KMT2C: variants seen among roughly 807,000 people sequenced by gnomAD.
The protein encoded by KMT2C is histone-lysine N-methyltransferase 2C.
Under a neutral mutation model 507.9 loss-of-function variants are expected in KMT2C, and 88 were observed. The observed-to-expected ratio is 0.17, with a 90% CI of 0.15 to 0.21. The LOEUF is 0.21. Ranked by LOEUF, KMT2C falls within the 10% of genes least tolerant of loss-of-function variation. KMT2C has a pLI of 1.00. For synonymous variants in KMT2C, 2,049 were observed against 2,080.8 expected, an observed-to-expected ratio of 0.98 and a Z score of 0.42; for missense variants, 4,954 against 5,957.8, an observed-to-expected ratio of 0.83 and a Z score of 5.55.
rs1480668897 is a variant in KMT2C at position 152,435,874 on chromosome 7, G to C, written c.-88C>G. ...GCCGCCGCCGCCGCCGCTGCTGCTCGGGTTCCTCCTCCCCGGCTCAGCCTC... is the reference window on the plus strand; with the variant it reads ...GCCGCCGCCGCCGCCGCTGCTGCTCCGGTTCCTCCTCCCCGGCTCAGCCTC... On this transcript the variant is annotated 5_prime_UTR_variant, in exon 1 of 59. Coordinates refer to ENST00000262189, the MANE Select transcript of KMT2C (RefSeq NM_170606.3). 6 of 1,349,350 alleles carry C rather than the reference G, an allele frequency of 4.4e-6. No homozygotes were observed. The East Asian group carries it at 1.5e-4, about 34-fold the overall frequency. The allele number at this position is 1,349,350 out of a possible 1,614,324, so 83.6% of individuals were successfully genotyped here. A position where few individuals can be genotyped will look rare whatever the true frequency, so the allele number is the denominator to read the frequency against.
intron 7 of KMT2C, among the ~76,000 whole-genome samples, chr7:152,272,385 C>G (rs1291391501): frequency 6.6e-6 from 1 of 152,114 alleles, no homozygotes; most frequent in Non-Finnish European, 1.5e-5. Context: ...TTGCTGAGGT[C>G]TAAAGCATGA....
At chr7:152,286,932 CAT>C (rs1188506148) in intron 6 of KMT2C, among the ~76,000 whole-genome samples, 2 of 152,104 alleles carry the variant, frequency 1.3e-5, no homozygotes, top group Non-Finnish European at 2.9e-5. Context: ...ACAAAAAACT[CAT>C]AGACAACAAC....
At chr7:152,270,863 T>C (rs546282728) in intron 7 of KMT2C, among the ~76,000 whole-genome samples, 1 of 152,222 alleles carries the variant, frequency 6.6e-6, no homozygotes, top group African/African-American at 2.4e-5. Context: ...AATCTTGGCC[T>C]TCTTCACAGA....
rs984463733 is a variant in KMT2C, at chr7:152,367,703, A to T, written c.162-9028T>A. ...CAATAGCTGACACCCCAGGATTTGGAGATGTAGTGGATAATAGTAATTGCT... is the reference window on the plus strand; with the variant it reads ...CAATAGCTGACACCCCAGGATTTGGTGATGTAGTGGATAATAGTAATTGCT... On this transcript the variant is annotated intron_variant, in intron 1 of 58. Transcript: ENST00000262189. The T allele has an allele frequency of 3.3e-5, 43 of 1,314,924 alleles. No homozygotes were observed. In the Admixed American group the frequency reaches 5.9e-4, roughly 18 times the overall value. 81.5% of individuals were successfully genotyped at this position (1,314,924 alleles called of 1,614,324 possible).
At position 152,176,932 on chromosome 7, in the gene KMT2C, T is replaced by C; in HGVS notation, c.8521A>G (p.Lys2841Glu). ...ACATTATCTTTATTCTCATCATTTTTTTCAGTTTCACATTTGGATTCCACC... is the reference window on the plus strand; with the variant it reads ...ACATTATCTTTATTCTCATCATTTTCTTCAGTTTCACATTTGGATTCCACC... ...SKVESKCETE[K>E]NDENKDNVDT... is the part of the protein sequence containing the mutation. Residue 2841 changes from lysine (K) to glutamate (E), a missense_variant, in exon 38 of 59, where the codon AAA becomes GAA. By Grantham distance (56) the Lys-to-Glu change is moderately conservative. Around this residue, in one of 29 missense-constraint regions of KMT2C, gnomAD observed 1,689 missense variants for 1,654.3 expected, o/e 1.02. Transcript: ENST00000262189. 1 of 1,614,224 alleles carries C rather than the reference T, an allele frequency of 6.2e-7. No individual in the cohort carries two copies. Among genetic ancestry groups the C allele is most frequent in the Non-Finnish European group, 8.5e-7 (1 of 1,180,038 alleles).
At chr7:152,255,157 A>ATGTGTGTG (rs112731121) in intron 9 of KMT2C, among the ~76,000 whole-genome samples, 5 of 128,382 alleles carry the variant, frequency 3.9e-5, no homozygotes, top group South Asian at 2.5e-4. Flanking sequence ...ATATATATAT[A>ATGTGTGTG]TGTGTGTGTG....
intron 2 of KMT2C, among the ~76,000 whole-genome samples, chr7:152,336,087 G>C (rs375000996): frequency 3.3e-5 from 5 of 152,030 alleles, no homozygotes; most frequent in African/African-American, 2.4e-5. Context: ...AGTAGGGAGC[G>C]ATAGTTTTGG....
chr7:152,259,456 A>ACGCG (rs1296619121), intron 9 of KMT2C, among the ~76,000 whole-genome samples: 8 of 141,024 alleles, frequency 5.7e-5, no homozygotes, highest in African/African-American at 2.2e-4. Context: ...GCACACACAC[A>ACGCG]CACACACACA....
chr7:152,177,487 C>T lies in KMT2C; in HGVS notation c.7966G>A (p.Glu2656Lys), dbSNP rs553423994. The change falls in exon 38 of 59, where the codon GAA (glutamate) becomes AAA (lysine). Residue 2656 changes from glutamate to lysine, a missense_variant. Glu to Lys is a moderately conservative substitution (Grantham distance 56). Coordinates refer to ENST00000262189, the MANE Select transcript of KMT2C (RefSeq NM_170606.3). Reference protein sequence around the residue: ...MRTLNHPLGGEFSEAPLSTSV... With the variant: ...MRTLNHPLGGKFSEAPLSTSV... ...GTTGACAAAGGAGCTTCTGAAAATT[C>T]ACCACCTAGTGGATGGTTCAGAGTC... is the stretch of plus-strand genomic sequence containing the variant. 6 of 1,614,182 alleles carry T rather than the reference C, an allele frequency of 3.7e-6. No individual in the cohort carries two copies. In the South Asian group the frequency reaches 6.6e-5, roughly 18 times the overall value.
chr7:152,308,347 G>T (rs1377468341), intron 6 of KMT2C, among the ~76,000 whole-genome samples: 1 of 151,958 alleles, frequency 6.6e-6, no homozygotes, highest in East Asian at 1.9e-4. Context: ...TATTCCATTG[G>T]AAGGGCTGTC....
In KMT2C at chr7:152,307,888, T is replaced by C. The variant is rs141847809; in HGVS notation, c.849+2078A>G. ...GAGTTTATATTGATTCCTCTGGTTCTAATCCACCACCAAAAAGCTCATTTA... is the reference window on the plus strand; with the variant it reads ...GAGTTTATATTGATTCCTCTGGTTCCAATCCACCACCAAAAAGCTCATTTA... On this transcript the variant is annotated intron_variant, in intron 6 of 58. Transcript: ENST00000262189. Among the ~76,000 whole-genome samples the C allele has an allele frequency of 4.8e-4, 73 of 152,332 alleles. 1 individual carries two copies. Among genetic ancestry groups the C allele is most frequent in the Admixed American group, 1.9e-3 (29 of 15,286 alleles).
chr7:152,336,971 A>G (rs1005865329), intron 2 of KMT2C, among the ~76,000 whole-genome samples: 1 of 144,764 alleles, frequency 6.9e-6, no homozygotes, highest in African/African-American at 2.9e-5. Flanking sequence ...TAGGTGGCAC[A>G]TGTACAGTGG....
At chr7:152,160,627 T>A (rs527837086) in intron 43 of KMT2C, among the ~76,000 whole-genome samples, 1,673 of 145,520 alleles carry the variant, frequency 0.011, 35 homozygotes, top group African/African-American at 0.039. Context: ...ATATATATAT[T>A]TATATATTTA....
intron 9 of KMT2C, among the ~76,000 whole-genome samples, chr7:152,256,935 A>G (rs1407972612): frequency 6.6e-6 from 1 of 152,160 alleles, no homozygotes; most frequent in Non-Finnish European, 1.5e-5. Flanking sequence ...GCCCCAAGAA[A>G]GGGAATCTGA....
chr7:152,406,782 G>T (rs1277727049), intron 1 of KMT2C, among the ~76,000 whole-genome samples: 67 of 145,990 alleles, frequency 4.6e-4, no homozygotes, highest in African/African-American at 1.8e-3. Flanking sequence ...AAAGTGCTGG[G>T]ATTACAGGTG....
At position 152,315,174 on chromosome 7, in the gene KMT2C, T is replaced by C. The variant is rs1381952289; in HGVS notation, c.554A>G (p.Gln185Arg). 1.9e-6 allele frequency: 3 copies of C among 1,614,104 alleles called. No homozygotes were observed. Among genetic ancestry groups the C allele is most frequent in the South Asian group, 2.2e-5 (2 of 91,082 alleles). ...TCTTTGTTTTCGTGGTGCTGAGTTT[T>C]GCATTTTCTCATAGGTTCCATTGCT... ...DNSNGTYEKM[Q>R]NSAPRKQRGQ... Residue 185 changes from glutamine (Q) to arginine (R), a missense_variant, in exon 4 of 59, where the codon CAA becomes CGA. Gln to Arg is a conservative substitution (Grantham distance 43). Around this residue, in one of 29 missense-constraint regions of KMT2C, gnomAD observed 233 missense variants for 263.6 expected, o/e 0.88. Transcript: ENST00000262189.
intron 6 of KMT2C, among the ~76,000 whole-genome samples, chr7:152,296,578 C>T (rs1032139069): frequency 1.3e-5 from 2 of 151,804 alleles, no homozygotes; most frequent in African/African-American, 2.4e-5. Flanking sequence ...GAGTACAATG[C>T]TTAGAGGTCC....
intron 23 of KMT2C, among the ~76,000 whole-genome samples, chr7:152,215,241 C>A (rs1192957066): frequency 6.6e-6 from 1 of 151,966 alleles, no homozygotes; most frequent in Non-Finnish European, 1.5e-5. Context: ...AAGCCGAGCG[C>A]GGTGGCTCAC....
chr7:152,293,063 T>C (rs137983755), intron 6 of KMT2C, among the ~76,000 whole-genome samples: 68 of 152,270 alleles, frequency 4.5e-4, no homozygotes, highest in Non-Finnish European at 8.5e-4. Flanking sequence ...TACTACCGAA[T>C]AGAAAGACTT....
Sources: allele counts gnomAD v4.1 joint callset (sites outside exome capture counted in the v4.1 genomes callset), GRCh38; gene constraint gnomAD v4.1.1; regional missense constraint gnomAD v4.1.1; transcripts MANE v1.5; gene names NCBI Gene and HGNC (gene_info 2026-07-23, HGNC 2026-07-21).